DICER1: variants seen among roughly 807,000 people sequenced by gnomAD.
The protein encoded by DICER1 is endoribonuclease Dicer.
A neutral mutation model predicts 194.1 loss-of-function variants in DICER1; 43 were observed. The ratio of observed to expected loss-of-function variants is 0.22; its 90% CI spans 0.17 to 0.29. The LOEUF (loss-of-function observed/expected upper bound fraction) is 0.29, where lower values mean the gene tolerates loss of function less well. DICER1 is among the 10% of genes least tolerant of loss of function. DICER1 has a pLI of 1.00. For synonymous variants in DICER1, 832 were observed against 820.5 expected, an observed-to-expected ratio of 1.01 and a Z score of -0.24; for missense variants, 1,608 against 2,317.0, an observed-to-expected ratio of 0.69 and a Z score of 6.28.
Position 95,099,830 on chromosome 14 carries a change from C to T in DICER1, c.4156G>A (p.Val1386Ile), listed in dbSNP as rs1199615826. The T allele has an allele frequency of 6.2e-7, 1 of 1,613,236 alleles. No homozygotes were observed. ...GTGTTGCTTTTGTCTTGATTTACTA[C>T]ATAACCAGGAGGAAGCCAATTCACA... Reference protein sequence around the residue: ...PPVNWLPPGYVVNQDKSNTDK... With the variant: ...PPVNWLPPGYIVNQDKSNTDK... The change falls in exon 22 of 27, where the codon GTA becomes ATA. Residue 1386 changes from valine (V) to isoleucine (I), a missense_variant. Transcript: ENST00000343455.
rs746269429 is a variant in DICER1, at chr14:95,090,080, G to A, written c.*418C>T. ...GCAGGACTGGCACTACTGCACACAC[G>A]GAGAGATGGAGAAGAATCTACATCA... is the stretch of plus-strand genomic sequence containing the variant. On this transcript the variant is annotated 3_prime_UTR_variant, in exon 27 of 27. Transcript: ENST00000343455. The A allele has an allele frequency of 2.0e-5, 7 of 355,724 alleles. No individual in the cohort carries two copies. Among genetic ancestry groups the A allele is most frequent in the South Asian group, 1.0e-4 (3 of 28,766 alleles). The allele number at this position is 355,724 out of a possible 1,614,324, so 22.0% of individuals were successfully genotyped here.
intron 7 of DICER1, among the ~76,000 whole-genome samples, chr14:95,125,967 A>G (rs1158738089): frequency 6.6e-6 from 1 of 152,198 alleles, no homozygotes; most frequent in African/African-American, 2.4e-5. Flanking sequence ...AGAGAAACTA[A>G]GACCCACATT....
At chr14:95,107,573 A>C in intron 17 of DICER1, 35 bp downstream of exon 17, 1 of 1,611,016 alleles carries the variant, frequency 6.2e-7, no homozygotes, top group Admixed American at 1.7e-5. Flanking sequence ...AAAACAAAGT[A>C]TCACCACCAT....
At chr14:95,109,214 G>C (rs1891735183) in intron 14 of DICER1, among the ~76,000 whole-genome samples, 1 of 152,182 alleles carries the variant, frequency 6.6e-6, no homozygotes, top group Non-Finnish European at 1.5e-5. Flanking sequence ...GGACATTGCT[G>C]CTAGGCTTTC....
chr14:95,120,635 T>G (rs889985723), intron 8 of DICER1, among the ~76,000 whole-genome samples: 6 of 152,050 alleles, frequency 3.9e-5, no homozygotes, highest in Non-Finnish European at 8.8e-5. Flanking sequence ...GGGACACGGG[T>G]GCTAAACTCG....
At chr14:95,099,436 G>C (rs1890658082) in intron 22 of DICER1, among the ~76,000 whole-genome samples, 3 of 152,010 alleles carry the variant, frequency 2.0e-5, no homozygotes, top group Non-Finnish European at 2.9e-5. Context: ...ACTGAACAGA[G>C]CTAAGGATCT....
At chr14:95,095,559 A>G (rs535377790) in intron 23 of DICER1, 1 of 474,206 alleles carries the variant, frequency 2.1e-6, no homozygotes, top group South Asian at 2.3e-5. Flanking sequence ...TACTAAGGTT[A>G]AAATTTCTCT....
In DICER1 at chr14:95,088,110, A is replaced by C. The variant is rs527349342; in HGVS notation, c.*2388T>G. On this transcript the variant is annotated 3_prime_UTR_variant, in exon 27 of 27. Transcript: ENST00000343455. ...TGCTTCAAACTGTGAGTCAAATTAAAATCTACTATTTTTCTCCAACAAAAA... is the reference window on the plus strand; with the variant it reads ...TGCTTCAAACTGTGAGTCAAATTAACATCTACTATTTTTCTCCAACAAAAA... 4.3e-6 allele frequency: 1 copy of C among 232,404 alleles called. No homozygotes were observed. Among genetic ancestry groups the C allele is most frequent in the East Asian group, 6.1e-5 (1 of 16,448 alleles). 14.4% of individuals were successfully genotyped at this position (232,404 alleles called of 1,614,324 possible).
At chr14:95,139,000 A>G (rs1392231140) in intron 1 of DICER1, among the ~76,000 whole-genome samples, 1 of 150,996 alleles carries the variant, frequency 6.6e-6, no homozygotes, top group Non-Finnish European at 1.5e-5. Context: ...AAAATAAAAA[A>G]AAAAAAAAAA....
At chr14:95,138,890 C>T (rs571481771) in intron 1 of DICER1, among the ~76,000 whole-genome samples, 12 of 148,596 alleles carry the variant, frequency 8.1e-5, no homozygotes, top group African/African-American at 2.2e-4. Flanking sequence ...GTGGGTGCAG[C>T]GCACCAGCAT....
In DICER1 at chr14:95,086,932, T is replaced by G; in HGVS notation, c.*3566A>C. The G allele has an allele frequency of 4.3e-6, 1 of 232,980 alleles. No individual in the cohort carries two copies. Among genetic ancestry groups the G allele is most frequent in the Non-Finnish European group, 8.5e-6 (1 of 117,920 alleles). The allele number at this position is 232,980 out of a possible 1,614,324, so 14.4% of individuals were successfully genotyped here. A position where few individuals can be genotyped will look rare whatever the true frequency, so the allele number is the denominator to read the frequency against. On this transcript the variant is annotated 3_prime_UTR_variant, in exon 27 of 27. Coordinates refer to ENST00000343455, the MANE Select transcript of DICER1 (RefSeq NM_177438.3). ...GTTTCTCTTCTGCAGATAATGCAAA[T>G]GGGTTAAAGACTCTTAACATAATTT...
intron 11 of DICER1, 47 bp from the exon 12 acceptor site, chr14:95,113,271 T>C: frequency 6.4e-7 from 1 of 1,572,408 alleles, no homozygotes; most frequent in East Asian, 2.2e-5. Context: ...ACTGAGAAAA[T>C]ATTGATATTT....
At chr14:95,117,502 T>A in intron 9 of DICER1, 120 bp downstream of exon 9, 1 of 1,066,252 alleles carries the variant, frequency 9.4e-7, no homozygotes, top group African/African-American at 1.6e-5. Flanking sequence ...GAAGAAGTAT[T>A]CTATAATACA....
At chr14:95,100,037 C>T in intron 21 of DICER1, 102 bp from the exon 22 acceptor site, 1 of 1,259,870 alleles carries the variant, frequency 7.9e-7, no homozygotes, top group Non-Finnish European at 1.1e-6. Context: ...TAAAATTAAT[C>T]AATTAATTAT....
chr14:95,144,667 T>C (rs570591849), intron 1 of DICER1, among the ~76,000 whole-genome samples: 7 of 152,250 alleles, frequency 4.6e-5, no homozygotes, highest in Admixed American at 1.3e-4. Flanking sequence ...TCTCATATAA[T>C]GCATAGAAGA....
At chr14:95,149,348 ACAT>A (rs1038476273) in intron 1 of DICER1, among the ~76,000 whole-genome samples, 3 of 152,204 alleles carry the variant, frequency 2.0e-5, no homozygotes, top group African/African-American at 7.2e-5. Context: ...GTGACGCACT[ACAT>A]CATCATAGCT....
intron 1 of DICER1, among the ~76,000 whole-genome samples, chr14:95,156,262 T>C (rs1895856009): frequency 6.6e-6 from 1 of 152,222 alleles, no homozygotes; most frequent in South Asian, 2.1e-4. Context: ...ATTCAGAATA[T>C]TCGAAGACAG....
At position 95,116,740 on chromosome 14, in the gene DICER1, C is replaced by A. The variant is rs183453771; in HGVS notation, c.1510-45G>T. Reference sequence around the variant, plus strand: ...AAGAAAAGCACTTCTAAGAAAATTTCTAAAATGAACAAAAAAAATTAGTAA... The same window carrying A: ...AAGAAAAGCACTTCTAAGAAAATTTATAAAATGAACAAAAAAAATTAGTAA... On this transcript the variant is annotated intron_variant, in intron 9 of 26. Coordinates refer to ENST00000343455, the MANE Select transcript of DICER1 (RefSeq NM_177438.3). 59 of 1,589,596 alleles carry A rather than the reference C, an allele frequency of 3.7e-5. No individual in the cohort carries two copies. The African/African-American group carries it at 6.1e-4, about 16-fold the overall frequency.
In DICER1 at chr14:95,107,498, C is replaced by G; in HGVS notation, c.2804+110G>C. ...ATCTCCTGACCTCATGATCTGCCCG[C>G]CTTGGCCTCCCAAAGTGCTGGGACT... On this transcript the variant is annotated intron_variant, in intron 17 of 26. Coordinates refer to ENST00000343455, the MANE Select transcript of DICER1 (RefSeq NM_177438.3). 3 of 1,051,802 alleles carry G rather than the reference C, an allele frequency of 2.9e-6. No homozygotes were observed. In the Admixed American group the frequency reaches 5.1e-5, roughly 18 times the overall value. 65.2% of individuals were successfully genotyped at this position (1,051,802 alleles called of 1,614,324 possible). A position where few individuals can be genotyped will look rare whatever the true frequency, so the allele number is the denominator to read the frequency against.
Sources: gnomAD v4.1 joint callset for allele counts (sites outside exome capture counted in the v4.1 genomes callset) on GRCh38, gnomAD v4.1.1 for gene constraint, MANE v1.5 for transcripts, NCBI Gene and HGNC (gene_info 2026-07-23, HGNC 2026-07-21) for gene names.